Variants in MYO1E observed in about 807,000 individuals in gnomAD.
MYO1E encodes unconventional myosin-Ie.
A neutral mutation model predicts 151.1 loss-of-function variants in MYO1E; 68 were observed. The ratio of observed to expected loss-of-function variants is 0.45; its 90% CI spans 0.37 to 0.55. The LOEUF (loss-of-function observed/expected upper bound fraction) is 0.55, where lower values mean the gene tolerates loss of function less well. Ranked by LOEUF, MYO1E falls within the 20% of genes least tolerant of loss-of-function variation. The pLI, the probability that MYO1E is intolerant of heterozygous loss-of-function variation, is 0.00. For missense variants in MYO1E, 1,363 were observed against 1,389.3 expected, an observed-to-expected ratio of 0.98 and a Z score of 0.30; for synonymous variants, 601 against 501.7, an observed-to-expected ratio of 1.20 and a Z score of -2.64.
chr15:59,301,877 T>C (rs1315696924), intron 1 of MYO1E, among the ~76,000 whole-genome samples: 2 of 152,240 alleles, frequency 1.3e-5, no homozygotes, highest in South Asian at 2.1e-4. Context: ...ATGAGTTATT[T>C]TGATAACATC....
At chr15:59,258,139 G>A (rs1467587752) in intron 3 of MYO1E, among the ~76,000 whole-genome samples, 1 of 152,158 alleles carries the variant, frequency 6.6e-6, no homozygotes, top group African/African-American at 2.4e-5. Context: ...TTGAGGTCAG[G>A]AGTCCGAGAC....
intron 1 of MYO1E, among the ~76,000 whole-genome samples, chr15:59,346,063 T>G (rs1409761044): frequency 2.0e-5 from 3 of 152,226 alleles, no homozygotes; most frequent in African/African-American, 7.2e-5. Context: ...ATTACTTGAT[T>G]CCTGGAATCA....
intron 1 of MYO1E, among the ~76,000 whole-genome samples, chr15:59,290,304 G>C (rs1335528077): frequency 6.6e-6 from 1 of 152,190 alleles, no homozygotes; most frequent in Admixed American, 6.5e-5. Context: ...TGCAACCCTT[G>C]AAGCTGCCTT....
At chr15:59,161,782 C>T (rs965169263) in intron 23 of MYO1E, among the ~76,000 whole-genome samples, 2 of 152,230 alleles carry the variant, frequency 1.3e-5, no homozygotes, top group Non-Finnish European at 2.9e-5. Context: ...GATTTACCTG[C>T]AATTCCCAAA....
At chr15:59,142,920 C>CAAAAAAAAAAAAAAA (rs10717979) in intron 26 of MYO1E, among the ~76,000 whole-genome samples, 1 of 87,226 alleles carries the variant, frequency 1.1e-5, no homozygotes, top group African/African-American at 4.2e-5. Context: ...TAATTAGGTG[C>CAAAAAAAAAAAAAAA]AAAAAAAAAA....
At chr15:59,239,653 A>G (rs2080088484) in intron 4 of MYO1E, among the ~76,000 whole-genome samples, 1 of 152,214 alleles carries the variant, frequency 6.6e-6, no homozygotes, top group Non-Finnish European at 1.5e-5. Context: ...TTAATATATC[A>G]AAATAAGTAT....
At chr15:59,322,501 T>C (rs79677243) in intron 1 of MYO1E, among the ~76,000 whole-genome samples, 2,418 of 152,274 alleles carry the variant, frequency 0.016, 61 homozygotes, top group African/African-American at 0.054. Flanking sequence ...ACCAAATCTT[T>C]TGTGGTTAAA....
chr15:59,280,131 CTTTT>C (rs368419570), intron 1 of MYO1E, among the ~76,000 whole-genome samples: 1 of 152,104 alleles, frequency 6.6e-6, no homozygotes, highest in African/African-American at 2.4e-5. Flanking sequence ...ATATAGCAAA[CTTTT>C]TTTAACAATA....
chr15:59,327,555 T>C (rs1419788943), intron 1 of MYO1E, among the ~76,000 whole-genome samples: 1 of 152,074 alleles, frequency 6.6e-6, no homozygotes, highest in Non-Finnish European at 1.5e-5. Context: ...CCTTAAGCAA[T>C]TCTCCTTCCT....
At chr15:59,309,569 T>C (rs2140409467) in intron 1 of MYO1E, among the ~76,000 whole-genome samples, 1 of 152,320 alleles carries the variant, frequency 6.6e-6, no homozygotes, top group South Asian at 2.1e-4. Context: ...GCCAGCTGTG[T>C]ATTCTCAGGC....
In MYO1E at chr15:59,206,250, G is replaced by A. The variant is rs146713915; in HGVS notation, c.1531-765C>T. Among the ~76,000 whole-genome samples, 5 of 152,136 alleles carry A rather than the reference G, an allele frequency of 3.3e-5. 1 individual carries two copies. In the South Asian group the frequency reaches 1.0e-3, roughly 31 times the overall value. On this transcript the variant is annotated intron_variant, in intron 14 of 27. Coordinates refer to ENST00000288235, the MANE Select transcript of MYO1E (RefSeq NM_004998.4). ...CTGTGATTCCAGCAAGAGGCAAGAC[G>A]AAAATCCATTTATTCAGCAGCTAAT... is the stretch of plus-strand genomic sequence containing the variant.
intron 1 of MYO1E, among the ~76,000 whole-genome samples, chr15:59,303,345 T>C (rs981108959): frequency 3.3e-5 from 5 of 151,756 alleles, no homozygotes; most frequent in African/African-American, 1.2e-4. Context: ...AGCCAGGAGG[T>C]CGAGGCTGCA....
chr15:59,166,516 G>C (rs891945863), intron 22 of MYO1E, among the ~76,000 whole-genome samples: 2 of 150,534 alleles, frequency 1.3e-5, no homozygotes, highest in African/African-American at 2.4e-5. Flanking sequence ...AGAAATGTTA[G>C]TTACAAAACA....
At chr15:59,336,916 C>G (rs2080732339) in intron 1 of MYO1E, among the ~76,000 whole-genome samples, 1 of 152,098 alleles carries the variant, frequency 6.6e-6, no homozygotes, top group African/African-American at 2.4e-5. Flanking sequence ...CTGCAAAGGA[C>G]ATGAACTCAT....
intron 1 of MYO1E, among the ~76,000 whole-genome samples, chr15:59,361,035 G>A (rs2080882131): frequency 6.6e-6 from 1 of 152,160 alleles, no homozygotes; most frequent in South Asian, 2.1e-4. Context: ...TTGTACCCTT[G>A]CTTTTCTTGG....
At chr15:59,169,526 C>G (rs751331883) in intron 22 of MYO1E, among the ~76,000 whole-genome samples, 1 of 152,132 alleles carries the variant, frequency 6.6e-6, no homozygotes, top group Non-Finnish European at 1.5e-5. Context: ...TCAGTGACTG[C>G]AATACACAGA....
chr15:59,268,720 A>ATTTTTTTGTTTTTTTTTTTTTTTTTTTTT (rs2080271497), intron 2 of MYO1E, among the ~76,000 whole-genome samples: 3 of 44,904 alleles, frequency 6.7e-5, no homozygotes, highest in African/African-American at 1.2e-4. Context: ...TGACTTTGGT[A>ATTTTTTTGTTTTTTTTTTTTTTTTTTTTT]TTTTTTTTTT....
At chr15:59,357,593 T>TTTGTTG (rs146568549) in intron 1 of MYO1E, among the ~76,000 whole-genome samples, 105 of 150,008 alleles carry the variant, frequency 7.0e-4, no homozygotes, top group African/African-American at 2.5e-3. Flanking sequence ...CCTGGCTATT[T>TTTGTTG]TTGTTGTTGT....
chr15:59,205,764 A>C (rs1202425575), intron 14 of MYO1E, among the ~76,000 whole-genome samples: 1 of 152,152 alleles, frequency 6.6e-6, no homozygotes, highest in Non-Finnish European at 1.5e-5. Flanking sequence ...GCTGATCCGT[A>C]ATCAGAACTC....
Sources: gnomAD v4.1 joint callset for allele counts (sites outside exome capture counted in the v4.1 genomes callset) on GRCh38, gnomAD v4.1.1 for gene constraint, MANE v1.5 for transcripts, NCBI Gene and HGNC (gene_info 2026-07-23, HGNC 2026-07-21) for gene names.